The following PRKCE variants were observed in gnomAD, a reference collection of about 807,000 sequenced individuals.
PRKCE encodes the protein protein kinase C epsilon type.
In PRKCE, 16 loss-of-function variants were observed where a neutral mutation model predicts 85.4. The ratio of observed to expected loss-of-function variants is 0.19; its 90% CI spans 0.13 to 0.28. The LOEUF (loss-of-function observed/expected upper bound fraction) is 0.28. Ranked by LOEUF, PRKCE falls within the 10% of genes least tolerant of loss-of-function variation. PRKCE has a pLI of 1.00. For missense variants in PRKCE, 573 were observed against 975.2 expected, an observed-to-expected ratio of 0.59 and a Z score of 5.49; for synonymous variants, 388 against 371.5, an observed-to-expected ratio of 1.04 and a Z score of -0.51.
chr2:45,703,025 C>CCG lies in PRKCE; in HGVS notation c.348+50578_348+50579insGC, dbSNP rs966269227. Among the ~76,000 whole-genome samples the CCG allele has an allele frequency of 4.6e-5, 7 of 151,372 alleles. No homozygotes were observed. In the South Asian group the frequency reaches 8.5e-4, roughly 18 times the overall value. ...TTTTCTTGAGAAAGCCTTTTTTCCC[C>CCG]CCCCGTCAGGAAGTCAGTCCTTATT... On this transcript the variant is annotated intron_variant, in intron 1 of 14. Transcript: ENST00000306156.
chr2:46,089,105 C>T (rs986212642), intron 11 of PRKCE, among the ~76,000 whole-genome samples: 1 of 151,680 alleles, frequency 6.6e-6, no homozygotes, highest in African/African-American at 2.4e-5. Flanking sequence ...CCCCACTTGC[C>T]TTCCCATTGT....
chr2:45,714,687 A>G (rs1411155512), intron 1 of PRKCE, among the ~76,000 whole-genome samples: 8 of 152,132 alleles, frequency 5.3e-5, no homozygotes, highest in African/African-American at 1.9e-4. Flanking sequence ...TGTGGGGAGT[A>G]TAGACCGTGT....
intron 1 of PRKCE, among the ~76,000 whole-genome samples, chr2:45,728,276 C>T (rs1435640332): frequency 6.6e-6 from 1 of 152,122 alleles, no homozygotes; most frequent in Non-Finnish European, 1.5e-5. Context: ...GAAATTTCTC[C>T]CTCTTGATTT....
intron 2 of PRKCE, among the ~76,000 whole-genome samples, chr2:45,910,460 T>C (rs541196769): frequency 3.3e-5 from 5 of 152,044 alleles, no homozygotes; most frequent in Admixed American, 6.5e-5. Context: ...GGGGTGTGAG[T>C]TGCACGATAG....
At chr2:45,713,366 T>C (rs946614606) in intron 1 of PRKCE, among the ~76,000 whole-genome samples, 3 of 152,124 alleles carry the variant, frequency 2.0e-5, no homozygotes, top group Non-Finnish European at 4.4e-5. Flanking sequence ...GTGTGATGCC[T>C]GATGGTAATG....
intron 10 of PRKCE, among the ~76,000 whole-genome samples, chr2:46,061,327 C>A (rs1477091684): frequency 6.6e-6 from 1 of 152,028 alleles, no homozygotes; most frequent in Non-Finnish European, 1.5e-5. Context: ...TCAGGCTGGT[C>A]TCAAAACTCC....
chr2:45,935,743 C>T (rs868102989), intron 2 of PRKCE, among the ~76,000 whole-genome samples: 1 of 151,016 alleles, frequency 6.6e-6, no homozygotes, highest in African/African-American at 2.4e-5. Flanking sequence ...CAAGATCATG[C>T]CACCGCACTC....
At chr2:45,927,122 G>A (rs1442262379) in intron 2 of PRKCE, among the ~76,000 whole-genome samples, 2 of 151,852 alleles carry the variant, frequency 1.3e-5, no homozygotes, top group African/African-American at 2.4e-5. Flanking sequence ...AGTATAGAAT[G>A]TGTATATGTG....
chr2:45,814,532 C>T (rs190337046), intron 1 of PRKCE, among the ~76,000 whole-genome samples: 1 of 152,308 alleles, frequency 6.6e-6, no homozygotes, highest in East Asian at 1.9e-4. Flanking sequence ...TGCTGAAAAC[C>T]AGGAAGGCAA....
chr2:46,071,943 C>T (rs959240217), intron 10 of PRKCE, among the ~76,000 whole-genome samples: 11 of 152,210 alleles, frequency 7.2e-5, no homozygotes, highest in Middle Eastern at 3.4e-3. Context: ...AGGGTGTAGA[C>T]TGGAGTCTGC....
At chr2:45,929,397 C>T (rs547584971) in intron 2 of PRKCE, among the ~76,000 whole-genome samples, 2 of 152,310 alleles carry the variant, frequency 1.3e-5, no homozygotes, top group South Asian at 2.1e-4. Context: ...GCGTACTCTC[C>T]ATTTTGTGGC....
chr2:46,145,299 C>T lies in PRKCE; in HGVS notation c.1731+68C>T, dbSNP rs759852592. On this transcript the variant is annotated intron_variant, in intron 12 of 14. Transcript: ENST00000306156. This position sits in a 1 kb window ranked among gnomAD's most constrained non-coding sequence, Gnocchi z 4.6. Reference sequence around the variant, plus strand: ...ACCGAGGCAGGGGTCCAAACCCATGCACTGGGGTCATCTAGTGGTGCTGGG... The same window carrying T: ...ACCGAGGCAGGGGTCCAAACCCATGTACTGGGGTCATCTAGTGGTGCTGGG... The T allele has an allele frequency of 4.5e-6, 7 of 1,564,304 alleles. No individual in the cohort carries two copies. The highest frequency in any genetic ancestry group is 1.1e-5 in the South Asian group (1 of 89,362).
intron 11 of PRKCE, among the ~76,000 whole-genome samples, chr2:46,086,947 C>T (rs72806770): frequency 2.7e-3 from 408 of 152,252 alleles, no homozygotes; most frequent in African/African-American, 9.6e-3. Context: ...AACACACGCA[C>T]GTCCACACAC....
intron 10 of PRKCE, among the ~76,000 whole-genome samples, chr2:46,072,731 A>G (rs1180326568): frequency 1.3e-5 from 2 of 152,330 alleles, no homozygotes; most frequent in African/African-American, 4.8e-5. Context: ...TACAGGAGAC[A>G]TGGCCCTGGG....
chr2:46,132,222 G>T (rs531417718), intron 11 of PRKCE, among the ~76,000 whole-genome samples: 3 of 152,044 alleles, frequency 2.0e-5, no homozygotes, highest in African/African-American at 4.8e-5. Flanking sequence ...ACCATCAAGC[G>T]TTGTGCTTGC....
At chr2:45,859,022 C>G (rs1174648747) in intron 2 of PRKCE, among the ~76,000 whole-genome samples, 2 of 150,126 alleles carry the variant, frequency 1.3e-5, no homozygotes, top group Non-Finnish European at 3.0e-5. Context: ...GCCTGGGCAA[C>G]AGAGCAGGAC....
chr2:45,986,126 A>T (rs933647900), intron 6 of PRKCE, among the ~76,000 whole-genome samples: 1 of 152,236 alleles, frequency 6.6e-6, no homozygotes, highest in African/African-American at 2.4e-5. Flanking sequence ...AAGCCAAAAG[A>T]GTAGATAATT....
chr2:46,157,955 G>A (rs1298606963), intron 13 of PRKCE, among the ~76,000 whole-genome samples: 2 of 152,230 alleles, frequency 1.3e-5, no homozygotes, highest in Non-Finnish European at 2.9e-5. Flanking sequence ...TATCATAGAA[G>A]TATGCAGTGC....
intron 7 of PRKCE, among the ~76,000 whole-genome samples, chr2:46,003,771 A>G (rs747991195): frequency 6.6e-6 from 1 of 152,336 alleles, no homozygotes; most frequent in East Asian, 1.9e-4. Flanking sequence ...TTGTATTTGG[A>G]TAGAATTAAA....
Sources: gnomAD v4.1 joint callset for allele counts (sites outside exome capture counted in the v4.1 genomes callset) on GRCh38, gnomAD v4.1.1 for gene constraint, Gnocchi (gnomAD v3.1) non-coding constraint, MANE v1.5 for transcripts, NCBI Gene and HGNC (gene_info 2026-07-23, HGNC 2026-07-21) for gene names.